The following GREM2 variants were observed in gnomAD, a reference collection of about 807,000 sequenced individuals.
GREM2 encodes the protein gremlin-2.
A neutral mutation model predicts 14.2 loss-of-function variants in GREM2; 11 were observed. The observed-to-expected ratio is 0.78, with a 90% confidence interval of 0.49 to 1.28. The LOEUF (loss-of-function observed/expected upper bound fraction) is 1.28. Ranked by LOEUF, GREM2 falls within the 50% of genes most tolerant of loss-of-function variation. The pLI, the probability that GREM2 is intolerant of heterozygous loss-of-function variation, is 0.00. For missense variants in GREM2, 210 were observed against 218.5 expected (o/e 0.96, Z 0.24); for synonymous variants, 98 against 97.6 (o/e 1.00, Z -0.02).
chr1:240,590,451 T>G (rs1455833758), intron 1 of GREM2, among the ~76,000 whole-genome samples: 6 of 148,932 alleles, frequency 4.0e-5, no homozygotes, highest in Non-Finnish European at 7.4e-5. Context: ...TTTTTTGAGA[T>G]AGAGTTTCGT....
rs199857008 is a variant in GREM2, at chr1:240,493,058, G to A, written c.418C>T (p.Leu140=). 18 of 1,612,588 alleles carry A rather than the reference G, an allele frequency of 1.1e-5. No individual in the cohort carries two copies. In the African/African-American group the frequency reaches 1.9e-4, roughly 17 times the overall value. The part of the protein sequence containing the change: ...SVLVELECPG[L]DPPFRLKKIQ... ...TTCTTGAGTCGGAAGGGTGGGTCCA[G>A]GCCGGGGCACTCGAGCTCCACGAGG... is the stretch of plus-strand genomic sequence containing the variant. The change falls in exon 2 of 2, where the codon CTG becomes TTG. Residue 140 remains leucine, a synonymous_variant. Transcript: ENST00000318160.
intron 1 of GREM2, among the ~76,000 whole-genome samples, chr1:240,604,306 CGTATGTGT>C (rs1250743741): frequency 1.8e-4 from 21 of 117,302 alleles, no homozygotes; most frequent in Non-Finnish European, 2.7e-4. Flanking sequence ...TATAACTATA[CGTATGTGT>C]GTGTGTGTGT....
intron 1 of GREM2, among the ~76,000 whole-genome samples, chr1:240,520,144 G>C (rs1391962635): frequency 6.9e-6 from 1 of 144,376 alleles, no homozygotes; most frequent in Non-Finnish European, 1.5e-5. Flanking sequence ...ATCCGGAATT[G>C]CTCTCCCACT....
At chr1:240,563,135 AT>A (rs1679102430) in intron 1 of GREM2, among the ~76,000 whole-genome samples, 2 of 134,482 alleles carry the variant, frequency 1.5e-5, no homozygotes, top group Non-Finnish European at 3.3e-5. Context: ...GTGTATGTGT[AT>A]GTGTGTGTGT....
At chr1:240,510,140 C>T (rs907954402) in intron 1 of GREM2, among the ~76,000 whole-genome samples, 21 of 152,102 alleles carry the variant, frequency 1.4e-4, no homozygotes, top group African/African-American at 3.6e-4. Context: ...GAGGCCGAGG[C>T]GGGCGGATCA....
At chr1:240,578,543 G>C (rs1465449665) in intron 1 of GREM2, among the ~76,000 whole-genome samples, 1 of 151,906 alleles carries the variant, frequency 6.6e-6, no homozygotes, top group Non-Finnish European at 1.5e-5. Flanking sequence ...CCAGCACTTT[G>C]TGAGTCTGAG....
At chr1:240,603,961 A>T (rs2102873116) in intron 1 of GREM2, among the ~76,000 whole-genome samples, 1 of 151,686 alleles carries the variant, frequency 6.6e-6, no homozygotes, top group East Asian at 2.0e-4. Context: ...TACAAGAAAC[A>T]TGGTGCTGGC....
intron 1 of GREM2, among the ~76,000 whole-genome samples, chr1:240,503,850 T>C (rs1266935114): frequency 6.6e-6 from 1 of 152,194 alleles, no homozygotes; most frequent in East Asian, 1.9e-4. Flanking sequence ...AGCTATTGTC[T>C]GCACATTTTC....
intron 1 of GREM2, among the ~76,000 whole-genome samples, chr1:240,559,320 C>T (rs541548711): frequency 6.6e-5 from 10 of 150,842 alleles, no homozygotes; most frequent in South Asian, 6.3e-4. Flanking sequence ...TTAGTATCAC[C>T]GCCAATCTCA....
chr1:240,555,530 C>T (rs577557489), intron 1 of GREM2, among the ~76,000 whole-genome samples: 4 of 152,224 alleles, frequency 2.6e-5, no homozygotes, highest in African/African-American at 9.6e-5. Flanking sequence ...AAAGTCAGAG[C>T]CAAATCAGAT....
At chr1:240,531,201 CTTT>C (rs1319598739) in intron 1 of GREM2, among the ~76,000 whole-genome samples, 1 of 152,192 alleles carries the variant, frequency 6.6e-6, no homozygotes, top group Non-Finnish European at 1.5e-5. Flanking sequence ...AGCCATATAG[CTTT>C]TTCCCCACTT....
At chr1:240,577,896 A>G (rs1052639827) in intron 1 of GREM2, among the ~76,000 whole-genome samples, 4 of 152,198 alleles carry the variant, frequency 2.6e-5, no homozygotes, top group Non-Finnish European at 5.9e-5. Flanking sequence ...AACTACATAA[A>G]TCACTCATTA....
At chr1:240,531,442 C>T (rs563397036) in intron 1 of GREM2, among the ~76,000 whole-genome samples, 107 of 152,312 alleles carry the variant, frequency 7.0e-4, no homozygotes, top group African/African-American at 2.3e-3. Context: ...CTGGGAAATG[C>T]GTCCGTCTCA....
At chr1:240,499,607 G>A (rs371899387) in intron 1 of GREM2, among the ~76,000 whole-genome samples, 15 of 152,332 alleles carry the variant, frequency 9.8e-5, no homozygotes, top group African/African-American at 2.9e-4. Flanking sequence ...GAGGGTGGTG[G>A]TCTGGCTCTT....
chr1:240,608,966 A>G (rs553835082), intron 1 of GREM2, among the ~76,000 whole-genome samples: 5 of 152,142 alleles, frequency 3.3e-5, no homozygotes, highest in Admixed American at 6.5e-5. Flanking sequence ...CAGTACATCA[A>G]ATGCATTTAT....
At chr1:240,497,111 A>C in intron 1 of GREM2, among the ~76,000 whole-genome samples, 1 of 152,146 alleles carries the variant, frequency 6.6e-6, no homozygotes, top group East Asian at 1.9e-4. Context: ...AAAGGCATGC[A>C]CGTGACTGCG....
Position 240,551,948 on chromosome 1 carries a change from A to T in GREM2, c.-1-58472T>A, listed in dbSNP as rs73113760. On this transcript the variant is annotated intron_variant, in intron 1 of 1. Transcript: ENST00000318160. Reference sequence around the variant, plus strand: ...AGGGAGTGTAAATTCTGCAAATAAGAGGGTGTATCTAAGATTACACCTAAT... The same window carrying T: ...AGGGAGTGTAAATTCTGCAAATAAGTGGGTGTATCTAAGATTACACCTAAT... Among the ~76,000 whole-genome samples, 492 of 152,296 alleles carry T rather than the reference A, an allele frequency of 3.2e-3. 1 individual carries two copies. Among genetic ancestry groups the T allele is most frequent in the African/African-American group, 0.011 (466 of 41,562 alleles).
At chr1:240,530,108 A>T (rs1229082826) in intron 1 of GREM2, among the ~76,000 whole-genome samples, 2 of 152,096 alleles carry the variant, frequency 1.3e-5, no homozygotes, top group Admixed American at 1.3e-4. Context: ...CATTCCCTAA[A>T]ACATCAGTCT....
intron 1 of GREM2, chr1:240,531,684 T>C: frequency 1.0e-6 from 1 of 980,442 alleles, no homozygotes. Context: ...CTGAGTGCTC[T>C]CATTTTTCTT....
Sources: gnomAD v4.1 joint callset for allele counts (sites outside exome capture counted in the v4.1 genomes callset) on GRCh38, gnomAD v4.1.1 for gene constraint, MANE v1.5 for transcripts, NCBI Gene and HGNC (gene_info 2026-07-23, HGNC 2026-07-21) for gene names.